Variants in STAC observed in about 807,000 individuals in gnomAD.
STAC encodes the protein SH3 and cysteine-rich domain-containing protein.
In STAC, 43 loss-of-function variants were observed where a neutral mutation model predicts 48.8. That is an observed-to-expected ratio of 0.88 (90% CI 0.69 to 1.14). The LOEUF is 1.14. STAC is among the 50% of genes most tolerant of loss of function. STAC has a pLI of 0.00. For missense variants in STAC, 497 were observed against 504.0 expected (o/e 0.99, Z 0.13); for synonymous variants, 193 against 179.5 (o/e 1.07, Z -0.60).
chr3:36,513,852 G>C lies in STAC; in HGVS notation c.920+8018G>C, dbSNP rs73067894. Among the ~76,000 whole-genome samples, 17 of 151,994 alleles carry C rather than the reference G, an allele frequency of 1.1e-4. No individual in the cohort carries two copies. In the South Asian group the frequency reaches 3.3e-3, roughly 30 times the overall value. On this transcript the variant is annotated intron_variant, in intron 8 of 10. Transcript: ENST00000273183. ...AAGGAGGGAGAGAGGGAGCAAAAGG[G>C]GGGGAGGGGAGAAGAGAGAGAGAGA...
chr3:36,543,092 A>G (rs1478327625), intron 10 of STAC, among the ~76,000 whole-genome samples: 1 of 152,132 alleles, frequency 6.6e-6, no homozygotes, highest in Non-Finnish European at 1.5e-5. Context: ...GCTAATATTG[A>G]GAATGTCCTG....
Position 36,438,887 on chromosome 3 carries a change from A to C in STAC, c.112-4477A>C, listed in dbSNP as rs531358535. The stretch of plus-strand genomic sequence containing the variant: ...TCCTGGCAGCAGAGGCCAAGCAGTG[A>C]CATTTGATGCTTTCCTTTGATAAAC... On this transcript the variant is annotated intron_variant, in intron 1 of 10. Transcript: ENST00000273183. 3.3e-5 allele frequency among the ~76,000 whole-genome samples: 5 copies of C among 152,342 alleles called. No homozygotes were observed. In the South Asian group the frequency reaches 1.0e-3, roughly 32 times the overall value.
At chr3:36,404,010 C>T (rs1700047370) in intron 1 of STAC, among the ~76,000 whole-genome samples, 1 of 152,146 alleles carries the variant, frequency 6.6e-6, no homozygotes, top group South Asian at 2.1e-4. Context: ...ACTCTGTATG[C>T]TACAAGCTCA....
intron 8 of STAC, among the ~76,000 whole-genome samples, chr3:36,511,411 C>A (rs1420811339): frequency 6.6e-6 from 1 of 152,166 alleles, no homozygotes; most frequent in African/African-American, 2.4e-5. Flanking sequence ...AAGGAAAAGA[C>A]TTCTGCTTCC....
At chr3:36,506,498 A>T (rs971983023) in intron 8 of STAC, among the ~76,000 whole-genome samples, 43 of 152,156 alleles carry the variant, frequency 2.8e-4, no homozygotes, top group Non-Finnish European at 2.1e-4. Context: ...GATAGCATTG[A>T]ATCTATAAAT....
intron 5 of STAC, among the ~76,000 whole-genome samples, chr3:36,491,727 T>C (rs1320644527): frequency 1.3e-5 from 2 of 151,882 alleles, no homozygotes; most frequent in African/African-American, 2.4e-5. Flanking sequence ...AAAATATGAC[T>C]GTCAGGCCAG....
At chr3:36,442,780 A>G (rs1696387062) in intron 1 of STAC, among the ~76,000 whole-genome samples, 1 of 85,752 alleles carries the variant, frequency 1.2e-5, no homozygotes, top group African/African-American at 3.3e-5. Flanking sequence ...ACACACACAC[A>G]CACACACACA....
At chr3:36,418,818 C>T (rs1034085098) in intron 1 of STAC, among the ~76,000 whole-genome samples, 2 of 151,916 alleles carry the variant, frequency 1.3e-5, no homozygotes, top group Non-Finnish European at 1.5e-5. Context: ...GAGGCCGAGG[C>T]GGGCAGATCA....
Position 36,443,356 on chromosome 3 carries a change from C to T in STAC, c.112-8C>T, listed in dbSNP as rs1175966783. On this transcript the variant is annotated splice_polypyrimidine_tract_variant and splice_region_variant and intron_variant, in intron 1 of 10. Transcript: ENST00000273183. The surrounding 1 kb of genome is among the most constrained non-coding windows in gnomAD (Gnocchi z 4.2). ...CGTAAGAGAGACTGTTCTGTCATTGCATTGCAGCTCCAGAAACTAAAACGA... is the reference window on the plus strand; with the variant it reads ...CGTAAGAGAGACTGTTCTGTCATTGTATTGCAGCTCCAGAAACTAAAACGA... 1.9e-6 allele frequency: 3 copies of T among 1,613,968 alleles called. No homozygotes were observed. The highest frequency in any genetic ancestry group is 8.5e-7 in the Non-Finnish European group (1 of 1,180,006).
At chr3:36,384,247 ATC>A (rs924524768) in intron 1 of STAC, among the ~76,000 whole-genome samples, 1 of 152,142 alleles carries the variant, frequency 6.6e-6, no homozygotes, top group Non-Finnish European at 1.5e-5. Flanking sequence ...TTTGCTATAA[ATC>A]TCTTTGTCAT....
At chr3:36,453,433 C>G (rs1475984462) in intron 2 of STAC, among the ~76,000 whole-genome samples, 1 of 152,204 alleles carries the variant, frequency 6.6e-6, no homozygotes, top group African/African-American at 2.4e-5. Flanking sequence ...AGACCCCGCC[C>G]TCGGAGAGGC....
rs1329355027 is a variant in STAC at position 36,530,669 on chromosome 3, C to T, written c.1110+1684C>T. On this transcript the variant is annotated intron_variant, in intron 10 of 10. Transcript: ENST00000273183. ...GGAGTGCAATGGCACAATCTCGGCTCACAGCAACCTCCACCTCCCAGGTTC... is the reference window on the plus strand; with the variant it reads ...GGAGTGCAATGGCACAATCTCGGCTTACAGCAACCTCCACCTCCCAGGTTC... 2.2e-5 allele frequency among the ~76,000 whole-genome samples: 3 copies of T among 137,206 alleles called. No homozygotes were observed. In the East Asian group the frequency reaches 7.0e-4, roughly 32 times the overall value. The allele number at this position is 137,206 out of a possible 152,430, so 90.0% of individuals were successfully genotyped here.
At chr3:36,531,836 G>A (rs548873007) in intron 10 of STAC, among the ~76,000 whole-genome samples, 1 of 152,048 alleles carries the variant, frequency 6.6e-6, no homozygotes, top group South Asian at 2.1e-4. Flanking sequence ...TAGGAGAGAG[G>A]GCAGATATCT....
At chr3:36,495,725 T>C (rs1159433741) in intron 6 of STAC, among the ~76,000 whole-genome samples, 3 of 152,286 alleles carry the variant, frequency 2.0e-5, no homozygotes. Context: ...GGAAGGGCTA[T>C]ATTTAGCAAT....
chr3:36,533,901 T>C (rs527854462), intron 10 of STAC, among the ~76,000 whole-genome samples: 1 of 152,260 alleles, frequency 6.6e-6, no homozygotes, highest in South Asian at 2.1e-4. Context: ...GCAGGTTTCT[T>C]ATATAGGCAA....
chr3:36,519,882 G>A (rs1698760724), intron 8 of STAC, among the ~76,000 whole-genome samples: 1 of 152,118 alleles, frequency 6.6e-6, no homozygotes, highest in African/African-American at 2.4e-5. Flanking sequence ...TGCAAAACCA[G>A]TCAGTAGTCA....
At chr3:36,477,100 A>T (rs1033000358) in intron 2 of STAC, among the ~76,000 whole-genome samples, 9 of 152,254 alleles carry the variant, frequency 5.9e-5, no homozygotes, top group South Asian at 4.2e-4. Flanking sequence ...TTTTTAAAAA[A>T]TTTTTTCTTA....
intron 3 of STAC, among the ~76,000 whole-genome samples, chr3:36,484,506 C>T (rs538269177): frequency 3.3e-5 from 5 of 152,314 alleles, no homozygotes; most frequent in Non-Finnish European, 5.9e-5. Flanking sequence ...ATCCAGATTA[C>T]AGAGCAAATG....
At chr3:36,435,026 T>C (rs1302362099) in intron 1 of STAC, among the ~76,000 whole-genome samples, 2 of 152,202 alleles carry the variant, frequency 1.3e-5, no homozygotes, top group African/African-American at 4.8e-5. Context: ...GAGAGATCTG[T>C]ATGCAGATCT....
Sources: gnomAD v4.1 joint callset for allele counts (sites outside exome capture counted in the v4.1 genomes callset) on GRCh38, gnomAD v4.1.1 for gene constraint, Gnocchi (gnomAD v3.1) non-coding constraint, MANE v1.5 for transcripts, NCBI Gene and HGNC (gene_info 2026-07-23, HGNC 2026-07-21) for gene names.